The following TBCD variants were observed in gnomAD, a reference collection of about 807,000 sequenced individuals.
TBCD encodes the protein tubulin folding cofactor D, also known as tubulin-specific chaperone D.
TBCD carries 105 observed loss-of-function variants against 169.3 expected under a neutral mutation model. The observed-to-expected ratio is 0.62, with a 90% confidence interval of 0.53 to 0.73. TBCD has a LOEUF of 0.73. Ranked by LOEUF, TBCD falls within the 30% of genes least tolerant of loss-of-function variation. The pLI, the probability that TBCD is intolerant of heterozygous loss-of-function variation, is 0.00. For synonymous variants in TBCD, 700 were observed against 643.9 expected, an observed-to-expected ratio of 1.09 and a Z score of -1.32; for missense variants, 1,444 against 1,600.1, an observed-to-expected ratio of 0.90 and a Z score of 1.66.
At chr17:82,805,573 G>A (rs940849559) in intron 9 of TBCD, among the ~76,000 whole-genome samples, 5 of 152,284 alleles carry the variant, frequency 3.3e-5, no homozygotes, top group East Asian at 1.9e-4. Flanking sequence ...CAGGGAAGGC[G>A]CTGGTCCTGT....
chr17:82,884,100 G>C lies in TBCD; in HGVS notation c.1476-45G>C. 1 of 1,553,294 alleles carries C rather than the reference G, an allele frequency of 6.4e-7. No homozygotes were observed. The highest frequency in any genetic ancestry group is 8.8e-7 in the Non-Finnish European group (1 of 1,141,892). ...TCATCGATACTGTGTGGTCTGTACT[G>C]TTTTGCAGAATTTCTTTTTAATTAA... is the stretch of plus-strand genomic sequence containing the variant. On this transcript the variant is annotated intron_variant, in intron 14 of 38. Transcript: ENST00000355528. The surrounding 1 kb of genome is among the most constrained non-coding windows in gnomAD (Gnocchi z 4.2).
Position 82,921,523 on chromosome 17 carries a change from T to C in TBCD, c.2124T>C (p.Asn708=), listed in dbSNP as rs1377048106. The C allele has an allele frequency of 6.2e-7, 1 of 1,614,058 alleles. No individual in the cohort carries two copies. The change falls in exon 25 of 39, where the codon AAT becomes AAC. Residue 708 remains asparagine, a synonymous_variant. Transcript: ENST00000355528. ...CAGATGGTTGGCAATGGCTGATAAA[T>C]GACACTTTGAGACATCTCCATCTCA... ...TVIDGWQWLI[N]DTLRHLHLIS...
At chr17:82,882,975 C>T (rs889791146) in intron 14 of TBCD, among the ~76,000 whole-genome samples, 7 of 152,036 alleles carry the variant, frequency 4.6e-5, no homozygotes, top group Admixed American at 1.3e-4. Flanking sequence ...TGACGGTGCC[C>T]GCCCTACCGG....
At chr17:82,904,559 T>C (rs2060107429) in intron 19 of TBCD, among the ~76,000 whole-genome samples, 1 of 152,190 alleles carries the variant, frequency 6.6e-6, no homozygotes, top group African/African-American at 2.4e-5. Flanking sequence ...ATCCTGTTTG[T>C]TCTGTCTTGT....
chr17:82,805,908 T>A lies in TBCD; in HGVS notation c.984T>A (p.Asn328Lys). ...GTGGCTGCCGATCTTTGGCTGCAAA[T>A]CTGCAGCTCCTCACTCAGGGTCAGA... ...YQRGCRSLAA[N>K]LQLLTQGQSE... Residue 328 changes from asparagine (N) to lysine (K), a missense_variant, in exon 10 of 39, where the codon AAT (asparagine) becomes AAA (lysine). Coordinates refer to ENST00000355528, the MANE Select transcript of TBCD (RefSeq NM_005993.5). The A allele has an allele frequency of 2.5e-6, 4 of 1,611,522 alleles. No homozygotes were observed. The highest frequency in any genetic ancestry group is 3.4e-6 in the Non-Finnish European group (4 of 1,177,836).
chr17:82,901,246 C>T (rs1297693917), intron 18 of TBCD, among the ~76,000 whole-genome samples: 4 of 152,224 alleles, frequency 2.6e-5, no homozygotes, highest in Non-Finnish European at 5.9e-5. Context: ...GCATAAACAG[C>T]GCGTTAGTGC....
intron 15 of TBCD, among the ~76,000 whole-genome samples, chr17:82,887,173 G>GCGCGCGCGCGCA (rs1555632430): frequency 1.5e-5 from 1 of 66,916 alleles, no homozygotes; most frequent in African/African-American, 9.6e-5. Context: ...GTGTGTGCGC[G>GCGCGCGCGCGCA]CGCGCGCACG....
intron 7 of TBCD, 45 bp from the exon 8 acceptor site, chr17:82,797,709 ACTT>A (rs765661652): frequency 5.2e-5 from 72 of 1,381,534 alleles, no homozygotes; most frequent in Non-Finnish European, 3.0e-5. Context: ...TATGTTTTAA[ACTT>A]CTATTTGTAT....
chr17:82,938,245 CCT>C (rs1386594435), intron 36 of TBCD, 109 bp downstream of exon 36: 18 of 1,288,484 alleles, frequency 1.4e-5, no homozygotes, highest in Admixed American at 2.0e-5. Flanking sequence ...CAGCCGAGCC[CCT>C]CTCGTTAACG....
chr17:82,857,383 C>T (rs546574734), intron 13 of TBCD, among the ~76,000 whole-genome samples: 30 of 152,108 alleles, frequency 2.0e-4, no homozygotes, highest in Admixed American at 6.5e-4. Context: ...ATATCATTTG[C>T]AAGTATTTTC....
chr17:82,905,274 C>T (rs1205179011), intron 19 of TBCD, among the ~76,000 whole-genome samples: 1 of 152,232 alleles, frequency 6.6e-6, no homozygotes, highest in Non-Finnish European at 1.5e-5. Flanking sequence ...GTGTCGTCCT[C>T]CTCCATGCTC....
chr17:82,830,290 C>A (rs761358508), intron 13 of TBCD: 1 of 1,614,230 alleles, frequency 6.2e-7, no homozygotes, highest in Non-Finnish European at 8.5e-7. Flanking sequence ...GGCCTCTTGG[C>A]TCTCCATGGA....
chr17:82,899,311 TGTCCTCAGCGCGC>T (rs2059724909), intron 17 of TBCD, among the ~76,000 whole-genome samples: 2 of 151,232 alleles, frequency 1.3e-5, no homozygotes, highest in African/African-American at 2.4e-5. Flanking sequence ...TCCGCTCACG[TGTCCTCAGCGCGC>T]GCGTCCTCAG....
Position 82,835,484 on chromosome 17 carries a change from G to T in TBCD, c.1318+20550G>T, listed in dbSNP as rs2053889138. Among the ~76,000 whole-genome samples the T allele has an allele frequency of 6.6e-6, 1 of 152,120 alleles. No homozygotes were observed. Among genetic ancestry groups the T allele is most frequent in the Non-Finnish European group, 1.5e-5 (1 of 68,026 alleles). ...GTTGCCCAGGCTGGAGGGCAGTGGT[G>T]CGATCTCGGTTCACTGCAACCTCTG... On this transcript the variant is annotated intron_variant, in intron 13 of 38. Transcript: ENST00000355528. This position sits in a 1 kb window ranked among gnomAD's most constrained non-coding sequence, Gnocchi z 4.5.
chr17:82,933,892 C>T (rs200912159), intron 34 of TBCD, among the ~76,000 whole-genome samples: 4 of 152,064 alleles, frequency 2.6e-5, no homozygotes, highest in African/African-American at 9.7e-5. Flanking sequence ...GGATTACAGG[C>T]GTGAGCCACT....
intron 23 of TBCD, among the ~76,000 whole-genome samples, chr17:82,916,226 A>C (rs8070801): frequency 0.48 from 73,324 of 151,446 alleles, 18,841 homozygotes; most frequent in African/African-American, 0.67. Context: ...GTTTGTTTAT[A>C]CCAAAATGGC....
rs954971041 is a variant in TBCD at position 82,884,377 on chromosome 17, C to T, written c.1533+175C>T. Among the ~76,000 whole-genome samples, 1 of 152,234 alleles carries T rather than the reference C, an allele frequency of 6.6e-6. No homozygotes were observed. Among genetic ancestry groups the T allele is most frequent in the African/African-American group, 2.4e-5 (1 of 41,534 alleles). On this transcript the variant is annotated intron_variant, in intron 15 of 38. Coordinates refer to ENST00000355528, the MANE Select transcript of TBCD (RefSeq NM_005993.5). The surrounding 1 kb of genome is among the most constrained non-coding windows in gnomAD (Gnocchi z 4.2). The stretch of plus-strand genomic sequence containing the variant: ...GCCACTGGTTCTTACTGTCTCTGGG[C>T]GTCTTCAGCGTGTGAAGGGCGGTCA...
intron 7 of TBCD, among the ~76,000 whole-genome samples, chr17:82,797,277 T>A (rs947541980): frequency 1.3e-5 from 2 of 152,222 alleles, no homozygotes; most frequent in African/African-American, 4.8e-5. Context: ...GGTGTGTGTG[T>A]GAGACACGGG....
chr17:82,927,250 T>A lies in TBCD; in HGVS notation c.2536T>A (p.Ser846Thr). The A allele has an allele frequency of 6.2e-7, 1 of 1,614,006 alleles. No homozygotes were observed. Among genetic ancestry groups the A allele is most frequent in the African/African-American group, 1.3e-5 (1 of 75,040 alleles). The change falls in exon 29 of 39, where the codon TCC (serine) becomes ACC (threonine). Residue 846 changes from serine (S) to threonine (T), a missense_variant. Ser to Thr is a moderately conservative substitution (Grantham distance 58). Transcript: ENST00000355528. ...PDEAVCGENV[S>T]QIYCALLGCM... ...CGAAGCTGTGTGCGGAGAGAATGTTTCCCAGATTTACTGTGCGCTGCTGGG... is the reference window on the plus strand; with the variant it reads ...CGAAGCTGTGTGCGGAGAGAATGTTACCCAGATTTACTGTGCGCTGCTGGG...
Sources: gnomAD v4.1 joint callset for allele counts (sites outside exome capture counted in the v4.1 genomes callset) on GRCh38, gnomAD v4.1.1 for gene constraint, Gnocchi (gnomAD v3.1) non-coding constraint, MANE v1.5 for transcripts, NCBI Gene and HGNC (gene_info 2026-07-23, HGNC 2026-07-21) for gene names.